HDAC8: variants seen among roughly 807,000 people sequenced by gnomAD.
The protein encoded by HDAC8 is histone deacetylase-like 1.
In HDAC8, 1 loss-of-function variant was observed where a neutral mutation model predicts 32.2. The observed-to-expected ratio is 0.03, with a 90% CI of 0.01 to 0.15. The LOEUF (loss-of-function observed/expected upper bound fraction) is 0.15, where lower values mean the gene tolerates loss of function less well. Among genes scored for constraint, HDAC8 ranks in the 10% least tolerant of loss-of-function variants. The pLI is 1.00. For synonymous variants in HDAC8, 108 were observed against 113.9 expected, an observed-to-expected ratio of 0.95 and a Z score of 0.33; for missense variants, 117 against 300.0, an observed-to-expected ratio of 0.39 and a Z score of 4.51.
chrX:72,549,615 A>T (rs1445229449), intron 4 of HDAC8, among the ~76,000 whole-genome samples: 1 of 111,775 alleles, frequency 8.9e-6, no homozygotes, highest in Admixed American at 9.5e-5. Flanking sequence ...GGGCCCTATT[A>T]TCAGCTCTCT....
intron 9 of HDAC8, among the ~76,000 whole-genome samples, chrX:72,447,527 C>G (rs1301520128): frequency 8.9e-6 from 1 of 111,897 alleles, no homozygotes; most frequent in East Asian, 2.8e-4. Flanking sequence ...AAAACTGGCA[C>G]AAGACAAGGA....
chrX:72,456,101 C>T (rs1037127994), intron 9 of HDAC8, among the ~76,000 whole-genome samples: 2 of 111,829 alleles, frequency 1.8e-5, no homozygotes, highest in Admixed American at 9.5e-5. Flanking sequence ...CATCTCAAAA[C>T]ACACTGAATG....
At chrX:72,436,772 G>A (rs1555979358) in intron 9 of HDAC8, among the ~76,000 whole-genome samples, 1 of 111,137 alleles carries the variant, frequency 9.0e-6, no homozygotes, top group Non-Finnish European at 1.9e-5. Flanking sequence ...TTATTGATAT[G>A]TGTAGAGGAC....
chrX:72,364,204 A>C (rs1555953574), intron 9 of HDAC8, among the ~76,000 whole-genome samples: 1 of 111,188 alleles, frequency 9.0e-6, no homozygotes, highest in Non-Finnish European at 1.9e-5. Flanking sequence ...ACATGTCATC[A>C]CACTATCTTC....
chrX:72,359,400 G>A (rs782294935), intron 9 of HDAC8, among the ~76,000 whole-genome samples: 8 of 111,381 alleles, frequency 7.2e-5, no homozygotes, highest in African/African-American at 2.6e-4. Flanking sequence ...CATCCAGTAG[G>A]GCGAATTAGG....
intron 7 of HDAC8, among the ~76,000 whole-genome samples, chrX:72,476,220 C>G (rs782267285): frequency 9.1e-6 from 1 of 110,028 alleles, no homozygotes; most frequent in East Asian, 2.9e-4. Context: ...AATTCTAATT[C>G]GAATGCAATG....
rs10127200 is a variant in HDAC8, at chrX:72,533,745, T to C, written c.437+34144A>G. ...AAATCAATATAATATACCATATTAC[T>C]AGGATAAAGGATTAAACCTCATCAG... On this transcript the variant is annotated intron_variant, in intron 4 of 10. Transcript: ENST00000373573. Among the ~76,000 whole-genome samples the C allele has an allele frequency of 4.5e-3, 505 of 112,031 alleles. 1 individual carries two copies. Among genetic ancestry groups the C allele is most frequent in the African/African-American group, 0.016 (489 of 30,920 alleles).
At chrX:72,360,127 C>T (rs1459748061) in intron 9 of HDAC8, among the ~76,000 whole-genome samples, 3 of 108,511 alleles carry the variant, frequency 2.8e-5, no homozygotes, top group Non-Finnish European at 3.8e-5. Flanking sequence ...GAGGGTGAGG[C>T]GGGCAGGTCA....
At chrX:72,437,683 T>C (rs946486616) in intron 9 of HDAC8, among the ~76,000 whole-genome samples, 13 of 111,806 alleles carry the variant, frequency 1.2e-4, no homozygotes, top group Non-Finnish European at 2.1e-4. Context: ...TACTGAGGCT[T>C]GAGTAGGCGG....
chrX:72,356,530 T>C (rs958920041), intron 9 of HDAC8, among the ~76,000 whole-genome samples: 9 of 110,821 alleles, frequency 8.1e-5, no homozygotes, highest in African/African-American at 3.0e-4. Flanking sequence ...TAGTAGGTGG[T>C]AGATATTTGT....
chrX:72,382,757 G>GT (rs1555960197), intron 9 of HDAC8, among the ~76,000 whole-genome samples: 1 of 111,503 alleles, frequency 9.0e-6, no homozygotes, highest in Non-Finnish European at 1.9e-5. Flanking sequence ...TTGATTGCTA[G>GT]TGAGCATGGG....
At chrX:72,452,611 G>T (rs781977686) in intron 9 of HDAC8, among the ~76,000 whole-genome samples, 3 of 111,666 alleles carry the variant, frequency 2.7e-5, no homozygotes, top group Non-Finnish European at 3.8e-5. Context: ...ATTAGCCCTA[G>T]AATAAAAAGG....
chrX:72,461,593 C>T (rs1462301932), intron 9 of HDAC8, among the ~76,000 whole-genome samples: 1 of 111,067 alleles, frequency 9.0e-6, no homozygotes, highest in East Asian at 2.8e-4. Context: ...ATCAGGACTA[C>T]CACCAAAGAA....
chrX:72,525,377 T>A (rs1423051515), intron 4 of HDAC8, among the ~76,000 whole-genome samples: 1 of 111,041 alleles, frequency 9.0e-6, no homozygotes, highest in Non-Finnish European at 1.9e-5. Context: ...CAGTGCCTTC[T>A]CTGCACCTCC....
At chrX:72,418,590 G>A (rs2046407461) in intron 9 of HDAC8, among the ~76,000 whole-genome samples, 1 of 111,705 alleles carries the variant, frequency 9.0e-6, no homozygotes, top group African/African-American at 3.2e-5. Context: ...TGGTGGGAAT[G>A]TAAATTAGCT....
chrX:72,418,672 C>T (rs1206515251), intron 9 of HDAC8, among the ~76,000 whole-genome samples: 5 of 111,748 alleles, frequency 4.5e-5, no homozygotes, highest in South Asian at 7.4e-4. Flanking sequence ...ACCCAGCACT[C>T]CCATTATTGG....
chrX:72,489,511 C>T (rs2048788235), intron 6 of HDAC8, among the ~76,000 whole-genome samples: 1 of 111,290 alleles, frequency 9.0e-6, no homozygotes, highest in African/African-American at 3.3e-5. Context: ...AAAGGATTCC[C>T]TATTTAATAA....
At chrX:72,474,025 G>T in intron 7 of HDAC8, 1 of 627,162 alleles carries the variant, frequency 1.6e-6, no homozygotes, top group Non-Finnish European at 1.9e-6. Context: ...TGATCTTGCT[G>T]TACCCTGTGT....
intron 9 of HDAC8, among the ~76,000 whole-genome samples, chrX:72,415,247 G>A (rs1460218488): frequency 1.8e-5 from 2 of 111,848 alleles, no homozygotes; most frequent in African/African-American, 6.5e-5. Flanking sequence ...TTAGTTGGCC[G>A]TATTTGTGTG....
Sources: allele counts gnomAD v4.1 joint callset (sites outside exome capture counted in the v4.1 genomes callset), GRCh38; gene constraint gnomAD v4.1.1; transcripts MANE v1.5; gene names NCBI Gene and HGNC (gene_info 2026-07-23, HGNC 2026-07-21).